The following CSMD1 variants were observed in gnomAD, a reference collection of about 807,000 sequenced individuals.
The protein encoded by CSMD1 is CUB and Sushi multiple domains 1, also known as CUB and sushi domain-containing protein 1.
CSMD1 carries 213 observed loss-of-function variants against 417.5 expected under a neutral mutation model. The ratio of observed to expected loss-of-function variants is 0.51; its 90% CI spans 0.46 to 0.57. The LOEUF (loss-of-function observed/expected upper bound fraction) is 0.57, where lower values mean the gene tolerates loss of function less well. Ranked by LOEUF, CSMD1 falls within the 20% of genes least tolerant of loss-of-function variation. CSMD1 has a pLI of 0.00. For missense variants in CSMD1, 6,923 were observed against 4,529.7 expected (o/e 1.53, Z -15.17); for synonymous variants, 2,862 against 1,736.8 (o/e 1.65, Z -16.11).
intron 4 of CSMD1, among the ~76,000 whole-genome samples, chr8:4,023,853 G>A (rs1010197137): frequency 1.3e-4 from 19 of 143,916 alleles, no homozygotes; most frequent in African/African-American, 4.7e-4. Context: ...TCCTGACCTC[G>A]GGATCTGCCC....
intron 8 of CSMD1, among the ~76,000 whole-genome samples, chr8:3,595,117 T>A (rs1478999162): frequency 6.6e-6 from 1 of 152,168 alleles, no homozygotes; most frequent in Non-Finnish European, 1.5e-5. Context: ...TAAGGGAGTT[T>A]TTACACTACT....
intron 2 of CSMD1, among the ~76,000 whole-genome samples, chr8:4,447,591 C>G (rs1798887820): frequency 2.0e-5 from 3 of 152,178 alleles, no homozygotes; most frequent in Non-Finnish European, 2.9e-5. Flanking sequence ...ACAGAAAACG[C>G]TTTCATGTAA....
rs1798741862 is a variant in CSMD1, at chr8:3,230,072, A to T, written c.4313T>A (p.Phe1438Tyr). 1 of 1,609,886 alleles carries T rather than the reference A, an allele frequency of 6.2e-7. No individual in the cohort carries two copies. The highest frequency in any genetic ancestry group is 1.3e-5 in the African/African-American group (1 of 74,766). ...TGTAGGAGGGTCTGGTTGCCAAAAG[A>T]ACCGGTTATTCAGCTGCACACAGGT... ...KITCVQLNNRFFWQPDPPTCI... is the reference protein window; with the variant it reads ...KITCVQLNNRYFWQPDPPTCI... The change falls in exon 27 of 70, where the codon TTC becomes TAC. Residue 1438 changes from phenylalanine (F) to tyrosine (Y), a missense_variant. By Grantham distance (22) the Phe-to-Tyr change is conservative. Transcript: ENST00000635120.
intron 1 of CSMD1, among the ~76,000 whole-genome samples, chr8:4,861,280 G>A (rs182871290): frequency 2.6e-5 from 4 of 152,100 alleles, no homozygotes; most frequent in Admixed American, 6.5e-5. Context: ...CAGCAACAAA[G>A]GTACAGTATG....
intron 2 of CSMD1, among the ~76,000 whole-genome samples, chr8:4,484,659 AC>A (rs1304729821): frequency 2.0e-5 from 3 of 151,900 alleles, no homozygotes; most frequent in Non-Finnish European, 4.4e-5. Flanking sequence ...CATGGTCCCT[AC>A]CTGGGAAGAT....
At chr8:3,068,780 G>A (rs778290043) in intron 49 of CSMD1, among the ~76,000 whole-genome samples, 3 of 152,108 alleles carry the variant, frequency 2.0e-5, no homozygotes, top group African/African-American at 2.4e-5. Context: ...GCAATAAGTC[G>A]TGAGGGATCC....
At chr8:4,619,374 C>T (rs1046521185) in intron 2 of CSMD1, among the ~76,000 whole-genome samples, 2 of 152,108 alleles carry the variant, frequency 1.3e-5, no homozygotes, top group African/African-American at 2.4e-5. Context: ...AGACTGATGT[C>T]CAGTTTTGAG....
At chr8:4,039,801 G>C (rs778121092) in intron 3 of CSMD1, among the ~76,000 whole-genome samples, 5 of 152,184 alleles carry the variant, frequency 3.3e-5, no homozygotes, top group African/African-American at 1.2e-4. Flanking sequence ...ATGGCACAGG[G>C]AGTTACAGTC....
chr8:4,198,682 A>T (rs1239584315), intron 3 of CSMD1, among the ~76,000 whole-genome samples: 1 of 152,078 alleles, frequency 6.6e-6, no homozygotes, highest in Non-Finnish European at 1.5e-5. Context: ...GGCTGGTAAA[A>T]CCCCAAGGAC....
chr8:4,839,660 T>G (rs936888639), intron 1 of CSMD1, among the ~76,000 whole-genome samples: 2 of 152,178 alleles, frequency 1.3e-5, no homozygotes, highest in Admixed American at 1.3e-4. Context: ...GGCATGAAAC[T>G]AAGACATCAG....
At chr8:4,311,074 T>G (rs1798534946) in intron 3 of CSMD1, among the ~76,000 whole-genome samples, 1 of 152,140 alleles carries the variant, frequency 6.6e-6, no homozygotes, top group Non-Finnish European at 1.5e-5. Context: ...GTTCAACTAC[T>G]GTGGAAAGCA....
intron 5 of CSMD1, among the ~76,000 whole-genome samples, chr8:3,869,354 A>G (rs1222655389): frequency 6.6e-6 from 1 of 152,154 alleles, no homozygotes; most frequent in Non-Finnish European, 1.5e-5. Context: ...ATCCTGTATA[A>G]TAAAATTATA....
intron 12 of CSMD1, among the ~76,000 whole-genome samples, chr8:3,427,544 T>C (rs1225691686): frequency 6.6e-6 from 1 of 152,174 alleles, no homozygotes; most frequent in African/African-American, 2.4e-5. Context: ...TCTTCATCAA[T>C]ATAGGTGTAT....
intron 1 of CSMD1, among the ~76,000 whole-genome samples, chr8:4,701,772 G>T (rs1184163251): frequency 1.2e-5 from 1 of 81,984 alleles, no homozygotes; most frequent in Non-Finnish European, 2.1e-5. Context: ...ACAAGTTTTA[G>T]AAAACCTTGG....
At chr8:2,962,941 G>A (rs1228490326) in intron 60 of CSMD1, among the ~76,000 whole-genome samples, 1 of 152,044 alleles carries the variant, frequency 6.6e-6, no homozygotes, top group African/African-American at 2.4e-5. Context: ...CCAGCTACTC[G>A]GGAGGCTGAG....
At position 3,858,254 on chromosome 8, in the gene CSMD1, T is replaced by G. The variant is rs894506533; in HGVS notation, c.819-104212A>C. Reference sequence around the variant, plus strand: ...TATATAATATTTTGCTTTGATAAAGTCCACAGAATGAGGATGGGCCTTATC... The same window carrying G: ...TATATAATATTTTGCTTTGATAAAGGCCACAGAATGAGGATGGGCCTTATC... On this transcript the variant is annotated intron_variant, in intron 5 of 69. Transcript: ENST00000635120. Among the ~76,000 whole-genome samples, 5 of 152,290 alleles carry G rather than the reference T, an allele frequency of 3.3e-5. No individual in the cohort carries two copies. In the South Asian group the frequency reaches 8.3e-4, roughly 25 times the overall value.
At chr8:4,139,014 GGA>G (rs1434911725) in intron 3 of CSMD1, among the ~76,000 whole-genome samples, 1 of 151,944 alleles carries the variant, frequency 6.6e-6, no homozygotes, top group Non-Finnish European at 1.5e-5. Context: ...CATGCAGAAA[GGA>G]CATATGCTGC....
chr8:3,519,941 A>G (rs1018735824), intron 10 of CSMD1, among the ~76,000 whole-genome samples: 3 of 148,664 alleles, frequency 2.0e-5, no homozygotes, highest in Non-Finnish European at 4.4e-5. Context: ...CAACGCTAAT[A>G]TAATTTCGCT....
chr8:4,507,620 C>A (rs1802595243), intron 2 of CSMD1, among the ~76,000 whole-genome samples: 1 of 152,012 alleles, frequency 6.6e-6, no homozygotes. Context: ...CATCTATTTC[C>A]AATTGTGACA....
Sources: allele counts gnomAD v4.1 joint callset (sites outside exome capture counted in the v4.1 genomes callset), GRCh38; gene constraint gnomAD v4.1.1; transcripts MANE v1.5; gene names NCBI Gene and HGNC (gene_info 2026-07-23, HGNC 2026-07-21).